The following GABRG3 variants were observed in gnomAD, a reference collection of about 807,000 sequenced individuals.
GABRG3 encodes gamma-aminobutyric acid receptor subunit gamma-3.
A neutral mutation model predicts 48.8 loss-of-function variants in GABRG3; 25 were observed. That is an observed-to-expected ratio of 0.51 (90% confidence interval 0.37 to 0.72). The LOEUF (loss-of-function observed/expected upper bound fraction) is 0.72. Ranked by LOEUF, GABRG3 falls within the 30% of genes least tolerant of loss-of-function variation. The pLI, the probability that GABRG3 is intolerant of heterozygous loss-of-function variation, is 0.00. For synonymous variants in GABRG3, 227 were observed against 217.6 expected, an observed-to-expected ratio of 1.04 and a Z score of -0.38; for missense variants, 394 against 577.9, an observed-to-expected ratio of 0.68 and a Z score of 3.26.
chr15:27,444,627 T>C (rs1888888028), intron 5 of GABRG3, among the ~76,000 whole-genome samples: 1 of 152,218 alleles, frequency 6.6e-6, no homozygotes, highest in African/African-American at 2.4e-5. Context: ...TCCTTTTTAA[T>C]ATATCTAATA....
At position 26,974,547 on chromosome 15, in the gene GABRG3, C is replaced by T. The variant is rs1035573118; in HGVS notation, c.54-2455C>T. Among the ~76,000 whole-genome samples, 8 of 151,786 alleles carry T rather than the reference C, an allele frequency of 5.3e-5. No homozygotes were observed. Among genetic ancestry groups the T allele is most frequent in the African/African-American group, 1.9e-4 (8 of 41,314 alleles). The stretch of plus-strand genomic sequence containing the variant: ...GGAGGGGAGGGGAAGAAGAGTGAGG[C>T]AGACCCCCTCACAGTGCCCAAGACA... On this transcript the variant is annotated intron_variant, in intron 1 of 9. Transcript: ENST00000615808. The surrounding 1 kb of genome is among the most constrained non-coding windows in gnomAD (Gnocchi z 4.3).
intron 5 of GABRG3, among the ~76,000 whole-genome samples, chr15:27,383,035 A>C (rs1165534324): frequency 6.6e-6 from 1 of 152,160 alleles, no homozygotes; most frequent in Non-Finnish European, 1.5e-5. Flanking sequence ...GAAATCACCT[A>C]GGTGTAAGTG....
intron 3 of GABRG3, among the ~76,000 whole-genome samples, chr15:27,076,635 T>C (rs886712894): frequency 6.6e-6 from 1 of 152,112 alleles, no homozygotes; most frequent in Non-Finnish European, 1.5e-5. Flanking sequence ...GCCACCTGTC[T>C]CAAGATCATC....
chr15:27,186,877 T>G (rs1888115011), intron 3 of GABRG3, among the ~76,000 whole-genome samples: 1 of 152,218 alleles, frequency 6.6e-6, no homozygotes, highest in Non-Finnish European at 1.5e-5. Flanking sequence ...ATAGGTTGTC[T>G]GTTTACTCCC....
chr15:27,441,982 A>G (rs1833454931), intron 5 of GABRG3, among the ~76,000 whole-genome samples: 1 of 152,226 alleles, frequency 6.6e-6, no homozygotes, highest in African/African-American at 2.4e-5. Context: ...TTTATAAAAA[A>G]GCAGTGGTGG....
At chr15:27,502,699 T>C (rs907493167) in intron 6 of GABRG3, among the ~76,000 whole-genome samples, 8 of 152,216 alleles carry the variant, frequency 5.3e-5, no homozygotes, top group African/African-American at 1.9e-4. Context: ...CAACCCCCTC[T>C]TTGGGTTTGA....
intron 2 of GABRG3, among the ~76,000 whole-genome samples, chr15:27,023,359 G>C (rs1895930590): frequency 1.3e-5 from 2 of 152,084 alleles, no homozygotes. Flanking sequence ...ATGTACAGTT[G>C]AGTGGCAGTA....
At chr15:27,169,918 G>C (rs1215530200) in intron 3 of GABRG3, among the ~76,000 whole-genome samples, 1 of 152,174 alleles carries the variant, frequency 6.6e-6, no homozygotes, top group African/African-American at 2.4e-5. Context: ...CCTAAGTACT[G>C]ATGGAAGAGG....
intron 3 of GABRG3, among the ~76,000 whole-genome samples, chr15:27,209,870 G>A (rs1057410637): frequency 1.3e-5 from 2 of 152,226 alleles, no homozygotes; most frequent in African/African-American, 4.8e-5. Context: ...CCTGCAGACA[G>A]CCACCTTCCT....
chr15:27,132,110 T>TTGTTG (rs1201851965), intron 3 of GABRG3, among the ~76,000 whole-genome samples: 1 of 152,142 alleles, frequency 6.6e-6, no homozygotes, highest in Non-Finnish European at 1.5e-5. Flanking sequence ...ATTGTTTCCT[T>TTGTTG]TGTTGTACAG....
At chr15:27,313,182 A>G (rs1181447638) in intron 3 of GABRG3, among the ~76,000 whole-genome samples, 8 of 141,218 alleles carry the variant, frequency 5.7e-5, no homozygotes, top group Admixed American at 7.3e-5. Context: ...GCAGAAACAT[A>G]TATATATATA....
At chr15:27,240,563 A>G (rs1890102014) in intron 3 of GABRG3, among the ~76,000 whole-genome samples, 1 of 152,246 alleles carries the variant, frequency 6.6e-6, no homozygotes, top group South Asian at 2.1e-4. Flanking sequence ...ACCAAAATAA[A>G]TCATTTACAA....
chr15:27,360,230 G>C (rs573296353), intron 5 of GABRG3, among the ~76,000 whole-genome samples: 1 of 152,162 alleles, frequency 6.6e-6, no homozygotes, highest in African/African-American at 2.4e-5. Context: ...GACACACACA[G>C]TGTTCATCCA....
intron 3 of GABRG3, among the ~76,000 whole-genome samples, chr15:27,080,184 C>T (rs1896969429): frequency 6.6e-6 from 1 of 152,144 alleles, no homozygotes; most frequent in Non-Finnish European, 1.5e-5. Context: ...GGCATGGTGG[C>T]ATGCACCTGT....
chr15:27,344,984 G>A (rs1390791484), intron 5 of GABRG3, among the ~76,000 whole-genome samples: 1 of 152,130 alleles, frequency 6.6e-6, no homozygotes, highest in Non-Finnish European at 1.5e-5. Flanking sequence ...TTGTTCTGAT[G>A]TCCACTTCGT....
chr15:26,991,216 A>T (rs2140647157), intron 2 of GABRG3, among the ~76,000 whole-genome samples: 1 of 152,330 alleles, frequency 6.6e-6, no homozygotes, highest in South Asian at 2.1e-4. Flanking sequence ...TTTGTCAAAA[A>T]TGAGTTCACT....
At chr15:27,436,865 G>A (rs142270625) in intron 5 of GABRG3, among the ~76,000 whole-genome samples, 19 of 152,208 alleles carry the variant, frequency 1.2e-4, no homozygotes, top group South Asian at 4.1e-4. Context: ...GCTTGGTGGC[G>A]TACACCTGTG....
chr15:27,062,001 C>T (rs1178998535), intron 3 of GABRG3, among the ~76,000 whole-genome samples: 1 of 152,224 alleles, frequency 6.6e-6, no homozygotes, highest in African/African-American at 2.4e-5. Context: ...CTTCTGTCCA[C>T]TGACCCTATA....
At chr15:27,132,471 G>GTTTTTTTTTTTTTTTTTTTTTTTT (rs59023766) in intron 3 of GABRG3, among the ~76,000 whole-genome samples, 1 of 39,594 alleles carries the variant, frequency 2.5e-5, no homozygotes, top group Non-Finnish European at 4.8e-5. Context: ...AGTAGTTACA[G>GTTTTTTTTTTTTTTTTTTTTTTTT]TTTTTTTTTT....
Sources: allele counts gnomAD v4.1 joint callset (sites outside exome capture counted in the v4.1 genomes callset), GRCh38; gene constraint gnomAD v4.1.1; non-coding constraint Gnocchi (gnomAD v3.1); transcripts MANE v1.5; gene names NCBI Gene and HGNC (gene_info 2026-07-23, HGNC 2026-07-21).